Variants in EPHA6 observed in about 807,000 individuals in gnomAD.
EPHA6 encodes the protein EPH receptor A6.
Under a neutral mutation model 112.0 loss-of-function variants are expected in EPHA6, and 50 were observed. The ratio of observed to expected loss-of-function variants is 0.45; its 90% CI spans 0.36 to 0.56. The LOEUF (loss-of-function observed/expected upper bound fraction) is 0.56, where lower values mean the gene tolerates loss of function less well. EPHA6 is among the 20% of genes least tolerant of loss of function. The pLI is 0.00. For synonymous variants in EPHA6, 529 were observed against 490.7 expected, an observed-to-expected ratio of 1.08 and a Z score of -1.03; for missense variants, 1,280 against 1,417.4, an observed-to-expected ratio of 0.90 and a Z score of 1.56.
chr3:97,101,369 A>G (rs1453890619), intron 3 of EPHA6, among the ~76,000 whole-genome samples: 1 of 152,010 alleles, frequency 6.6e-6, no homozygotes, highest in Non-Finnish European at 1.5e-5. Flanking sequence ...TGTCCCCATG[A>G]TATGCCCGCT....
intron 3 of EPHA6, among the ~76,000 whole-genome samples, chr3:96,993,551 T>G (rs1338224599): frequency 1.3e-5 from 2 of 152,092 alleles, no homozygotes; most frequent in East Asian, 3.9e-4. Context: ...TCTTTCTCAC[T>G]CTTTCATTTC....
chr3:97,645,699 G>A (rs1443662911), intron 14 of EPHA6, among the ~76,000 whole-genome samples: 1 of 151,848 alleles, frequency 6.6e-6, no homozygotes, highest in African/African-American at 2.4e-5. Flanking sequence ...TGTTTTATAA[G>A]AACATCTGCA....
In EPHA6 at chr3:97,334,478, C is replaced by CTTTT. The variant is rs1354125066; in HGVS notation, c.1607-70659_1607-70656dup. ...TTTCTTTTCTTTCTTTTTTTTTCTTCTTTTTTTTTTTTTTTTGATGAGAGA... is the reference window on the plus strand; with the variant it reads ...TTTCTTTTCTTTCTTTTTTTTTCTTCTTTTTTTTTTTTTTTTTTTTGATGAGAGA... On this transcript the variant is annotated intron_variant, in intron 5 of 17. Transcript: ENST00000389672. 8.8e-4 allele frequency among the ~76,000 whole-genome samples: 113 copies of CTTTT among 128,038 alleles called. 1 individual carries two copies. Among genetic ancestry groups the CTTTT allele is most frequent in the African/African-American group, 3.0e-3 (102 of 33,720 alleles). The allele number at this position is 128,038 out of a possible 152,430, so 84.0% of individuals were successfully genotyped here.
chr3:97,174,646 C>T (rs2076786841), intron 3 of EPHA6, among the ~76,000 whole-genome samples: 2 of 151,842 alleles, frequency 1.3e-5, no homozygotes, highest in Admixed American at 1.3e-4. Flanking sequence ...CTGTAATGAT[C>T]AGTGGTATTG....
At chr3:96,995,701 G>A (rs191651109) in intron 3 of EPHA6, among the ~76,000 whole-genome samples, 229 of 152,158 alleles carry the variant, frequency 1.5e-3, no homozygotes, top group Admixed American at 2.9e-3. Flanking sequence ...TGTCTATTAG[G>A]TTTACAATAG....
intron 13 of EPHA6, among the ~76,000 whole-genome samples, chr3:97,629,063 T>C (rs1210676306): frequency 6.6e-6 from 1 of 151,894 alleles, no homozygotes; most frequent in African/African-American, 2.4e-5. Context: ...CTTGAATAGC[T>C]GGGACCACAG....
intron 6 of EPHA6, among the ~76,000 whole-genome samples, chr3:97,446,925 A>G (rs957787958): frequency 2.0e-5 from 3 of 152,122 alleles, no homozygotes; most frequent in Non-Finnish European, 4.4e-5. Context: ...ATAATTATTT[A>G]CTTTCTAATC....
At chr3:97,592,852 T>C in intron 12 of EPHA6, 115 bp downstream of exon 12, 1 of 1,159,384 alleles carries the variant, frequency 8.6e-7, no homozygotes, top group Non-Finnish European at 1.2e-6. Context: ...GGAAAAGAAA[T>C]GTAAGTGACT....
intron 3 of EPHA6, among the ~76,000 whole-genome samples, chr3:97,090,546 A>C (rs1010958565): frequency 8.5e-5 from 13 of 152,116 alleles, no homozygotes; most frequent in African/African-American, 2.7e-4. Flanking sequence ...AATGGAAGGG[A>C]AAAGGCAATC....
chr3:96,957,032 CAAA>C (rs60528834), intron 2 of EPHA6, among the ~76,000 whole-genome samples: 3 of 95,378 alleles, frequency 3.1e-5, no homozygotes, highest in Non-Finnish European at 5.3e-5. Context: ...AAACTTGTCT[CAAA>C]AAAAAAAAAA....
At chr3:97,263,463 A>C (rs2079566541) in intron 5 of EPHA6, among the ~76,000 whole-genome samples, 1 of 151,644 alleles carries the variant, frequency 6.6e-6, no homozygotes, top group Non-Finnish European at 1.5e-5. Flanking sequence ...ACACACACAC[A>C]CACACCCGCT....
At position 96,987,654 on chromosome 3, in the gene EPHA6, C is replaced by A. The variant is rs2043071249; in HGVS notation, c.775C>A (p.Arg259Ser). Residue 259 changes from arginine (R) to serine (S), a missense_variant, in exon 3 of 18, where the codon CGC becomes AGC. Physicochemically the swap from Arg to Ser is moderately radical, Grantham distance 110. Around this residue, in one of 4 missense-constraint regions of EPHA6, gnomAD observed 878 missense variants for 999.7 expected, o/e 0.88. Coordinates refer to ENST00000389672, the MANE Select transcript of EPHA6 (RefSeq NM_001080448.3). ...ESFTQMDLGD[R>S]ILKLNTEIRE... is the part of the protein sequence containing the mutation. ...TTTTACCCAGATGGATTTGGGTGAT[C>A]GCATCCTCAAACTCAACACTGAAAT... 1 of 1,607,538 alleles carries A rather than the reference C, an allele frequency of 6.2e-7. No homozygotes were observed. Among genetic ancestry groups the A allele is most frequent in the Admixed American group, 1.7e-5 (1 of 59,726 alleles).
intron 12 of EPHA6, among the ~76,000 whole-genome samples, chr3:97,597,238 T>C (rs142865819): frequency 5.2e-4 from 79 of 152,236 alleles, no homozygotes; most frequent in Admixed American, 1.1e-3. Flanking sequence ...GCCTGTGCTT[T>C]AAGTACAATG....
intron 11 of EPHA6, among the ~76,000 whole-genome samples, chr3:97,546,241 C>A (rs1290006488): frequency 6.6e-6 from 1 of 152,164 alleles, no homozygotes; most frequent in Non-Finnish European, 1.5e-5. Flanking sequence ...CCTTCGGGAG[C>A]TCTTTTAGGG....
At chr3:96,970,184 C>A (rs1300815606) in intron 2 of EPHA6, among the ~76,000 whole-genome samples, 3 of 151,794 alleles carry the variant, frequency 2.0e-5, no homozygotes, top group Non-Finnish European at 4.4e-5. Context: ...TTCACTCTCT[C>A]TCCTGACACA....
intron 7 of EPHA6, among the ~76,000 whole-genome samples, chr3:97,464,862 GT>G (rs2091005605): frequency 1.3e-5 from 2 of 152,082 alleles, no homozygotes; most frequent in Non-Finnish European, 2.9e-5. Context: ...ATTGCCTTTT[GT>G]CTGCCAAAGA....
chr3:97,334,999 A>C (rs751750960), intron 5 of EPHA6, among the ~76,000 whole-genome samples: 2 of 152,120 alleles, frequency 1.3e-5, no homozygotes, highest in Non-Finnish European at 2.9e-5. Flanking sequence ...ATGCATGTTT[A>C]TTAGTCAGTT....
At chr3:97,684,543 G>A (rs955300273) in intron 14 of EPHA6, among the ~76,000 whole-genome samples, 10 of 152,146 alleles carry the variant, frequency 6.6e-5, no homozygotes, top group Non-Finnish European at 1.3e-4. Context: ...AATTCAGTGG[G>A]ACATTTTTGT....
At chr3:96,921,215 G>C (rs1325846614) in intron 2 of EPHA6, among the ~76,000 whole-genome samples, 3 of 151,982 alleles carry the variant, frequency 2.0e-5, no homozygotes, top group Non-Finnish European at 4.4e-5. Context: ...GTAACTTTCT[G>C]AAAGTCACTA....
Sources: gnomAD v4.1 joint callset for allele counts (sites outside exome capture counted in the v4.1 genomes callset) on GRCh38, gnomAD v4.1.1 for gene constraint, gnomAD v4.1.1 regional missense constraint, MANE v1.5 for transcripts, NCBI Gene and HGNC (gene_info 2026-07-23, HGNC 2026-07-21) for gene names.